WDPCP: variants seen among roughly 807,000 people sequenced by gnomAD.
WDPCP encodes the protein WD repeat containing planar cell polarity effector, also known as WD repeat-containing and planar cell polarity effector protein fritz homolog.
In WDPCP, 71 loss-of-function variants were observed where a neutral mutation model predicts 93.1. That is an observed-to-expected ratio of 0.76 (90% CI 0.63 to 0.93). The LOEUF is 0.93. WDPCP is among the 40% of genes least tolerant of loss of function. The pLI, the probability that WDPCP is intolerant of heterozygous loss-of-function variation, is 0.00. For missense variants in WDPCP, 844 were observed against 887.4 expected (o/e 0.95, Z 0.62); for synonymous variants, 315 against 315.0 (o/e 1.00, Z 0.00).
At chr2:63,168,705 G>C (rs922025654) in intron 15 of WDPCP, 1 of 152,164 alleles carries the variant, frequency 6.6e-6, no homozygotes, top group Non-Finnish European at 1.5e-5. Flanking sequence ...TCAATATGGT[G>C]ACCTCCTGGG....
chr2:63,448,577 T>C (rs998943788), intron 6 of WDPCP, among the ~76,000 whole-genome samples: 6 of 152,132 alleles, frequency 3.9e-5, no homozygotes, highest in African/African-American at 7.2e-5. Flanking sequence ...ATTGTTACCA[T>C]TATGTTTTGT....
chr2:63,468,757 G>C (rs1699513441), intron 6 of WDPCP, among the ~76,000 whole-genome samples: 1 of 151,932 alleles, frequency 6.6e-6, no homozygotes, highest in Non-Finnish European at 1.5e-5. Context: ...CTTCTTTCTT[G>C]CCAACAGCTC....
chr2:63,138,664 G>A (rs1050554887), intron 17 of WDPCP, among the ~76,000 whole-genome samples: 1 of 151,984 alleles, frequency 6.6e-6, no homozygotes, highest in African/African-American at 2.4e-5. Flanking sequence ...ATGTTAGCCA[G>A]GATGGTCTCG....
chr2:63,203,317 C>G (rs573281205), intron 14 of WDPCP, among the ~76,000 whole-genome samples: 1 of 152,140 alleles, frequency 6.6e-6, no homozygotes, highest in South Asian at 2.1e-4. Flanking sequence ...ACAAACAATC[C>G]AATTATACTC....
rs79430808 is a variant in WDPCP, at chr2:63,432,379, A to C, written c.825+1366T>G. The stretch of plus-strand genomic sequence containing the variant: ...CTACCCACAGCACCATTAACACTTT[A>C]ATGCACTTACACATTTTCATATTTG... On this transcript the variant is annotated intron_variant, in intron 9 of 17. Coordinates refer to ENST00000272321, the MANE Select transcript of WDPCP (RefSeq NM_015910.7). Among the ~76,000 whole-genome samples, 644 of 152,248 alleles carry C rather than the reference A, an allele frequency of 4.2e-3. 8 individuals carry two copies. Among genetic ancestry groups the C allele is most frequent in the African/African-American group, 0.015 (603 of 41,550 alleles).
At chr2:63,602,777 G>GCTC (rs1312728475) in intron 3 of WDPCP, among the ~76,000 whole-genome samples, 6 of 152,064 alleles carry the variant, frequency 3.9e-5, no homozygotes, top group Non-Finnish European at 8.8e-5. Context: ...GTGGAATCAT[G>GCTC]CAGTAAGGAA....
chr2:63,133,593 A>T (rs1670433865), intron 17 of WDPCP, among the ~76,000 whole-genome samples: 1 of 151,990 alleles, frequency 6.6e-6, no homozygotes, highest in African/African-American at 2.4e-5. Context: ...TTCTCACAAG[A>T]TTTGATGGTT....
chr2:63,626,339 G>T (rs1709810982), intron 3 of WDPCP, among the ~76,000 whole-genome samples: 2 of 152,154 alleles, frequency 1.3e-5, no homozygotes, highest in Admixed American at 1.3e-4. Flanking sequence ...TTGACAAATT[G>T]GATCTAATTA....
At chr2:63,129,234 G>T (rs1258981654) in intron 17 of WDPCP, among the ~76,000 whole-genome samples, 1 of 152,200 alleles carries the variant, frequency 6.6e-6, no homozygotes, top group Non-Finnish European at 1.5e-5. Flanking sequence ...ATGTTGCTAT[G>T]AACACAGGTG....
At chr2:63,214,696 G>C (rs911645312) in intron 14 of WDPCP, among the ~76,000 whole-genome samples, 5 of 152,190 alleles carry the variant, frequency 3.3e-5, no homozygotes, top group African/African-American at 1.2e-4. Flanking sequence ...CCTGTTTGCA[G>C]ATGACATGAT....
chr2:63,720,428 A>C (rs1471691775), intron 2 of WDPCP, among the ~76,000 whole-genome samples: 3 of 151,428 alleles, frequency 2.0e-5, no homozygotes, highest in African/African-American at 2.4e-5. Context: ...AAAAAAAAAA[A>C]AAACAAAACA....
At chr2:63,199,214 A>G (rs1675694770) in intron 14 of WDPCP, among the ~76,000 whole-genome samples, 1 of 152,216 alleles carries the variant, frequency 6.6e-6, no homozygotes, top group African/African-American at 2.4e-5. Flanking sequence ...GCAGAGTGTA[A>G]AAGTTTGCAA....
chr2:63,211,783 T>C (rs1055068524), intron 14 of WDPCP, among the ~76,000 whole-genome samples: 1 of 152,180 alleles, frequency 6.6e-6, no homozygotes, highest in African/African-American at 2.4e-5. Flanking sequence ...GATGACCTGA[T>C]GGAGCTGAAA....
chr2:63,522,682 A>G (rs1248927431), intron 1 of WDPCP, among the ~76,000 whole-genome samples: 1 of 152,106 alleles, frequency 6.6e-6, no homozygotes, highest in Non-Finnish European at 1.5e-5. Flanking sequence ...TATTATGAAC[A>G]CCTCTATGAA....
chr2:63,231,201 T>A (rs1293516756), intron 14 of WDPCP, among the ~76,000 whole-genome samples: 1 of 152,154 alleles, frequency 6.6e-6, no homozygotes, highest in Non-Finnish European at 1.5e-5. Context: ...GAGCTATTTA[T>A]GACAAACCCA....
At chr2:63,532,971 T>C (rs988179999) in intron 1 of WDPCP, among the ~76,000 whole-genome samples, 13 of 152,158 alleles carry the variant, frequency 8.5e-5, no homozygotes, top group African/African-American at 2.7e-4. Context: ...ACCCATCTCA[T>C]GTGCAGAGAC....
At chr2:63,605,856 G>A in intron 3 of WDPCP, 1 of 1,100,780 alleles carries the variant, frequency 9.1e-7, no homozygotes, top group Non-Finnish European at 1.4e-6. Context: ...AGTAAGAAAG[G>A]GTCACCTGGT....
intron 6 of WDPCP, among the ~76,000 whole-genome samples, chr2:63,469,981 G>GT (rs912617740): frequency 5.3e-5 from 8 of 152,152 alleles, no homozygotes; most frequent in Admixed American, 5.2e-4. Context: ...CTTGTTACAG[G>GT]TATCTTGGCA....
rs1435995842 is a variant in WDPCP, at chr2:63,529,412, T to C, written c.76-36472A>G. 3.9e-5 allele frequency among the ~76,000 whole-genome samples: 6 copies of C among 152,110 alleles called. No individual in the cohort carries two copies. The East Asian group carries it at 1.2e-3, about 29-fold the overall frequency. On this transcript the variant is annotated intron_variant, in intron 1 of 17. Coordinates refer to ENST00000272321, the MANE Select transcript of WDPCP (RefSeq NM_015910.7). Reference sequence around the variant, plus strand: ...CCACCAATACCTAGTTTATTCAGAGTTTTTAGCATGAAGCGCTGTTGAATT... The same window carrying C: ...CCACCAATACCTAGTTTATTCAGAGCTTTTAGCATGAAGCGCTGTTGAATT...
Sources: allele counts gnomAD v4.1 joint callset (sites outside exome capture counted in the v4.1 genomes callset), GRCh38; gene constraint gnomAD v4.1.1; transcripts MANE v1.5; gene names NCBI Gene and HGNC (gene_info 2026-07-23, HGNC 2026-07-21).